CEP152: variants seen among roughly 807,000 people sequenced by gnomAD.
CEP152 encodes centrosomal protein 152, also known as centrosomal protein of 152 kDa.
CEP152 carries 132 observed loss-of-function variants against 188.9 expected under a neutral mutation model. That is an observed-to-expected ratio of 0.70 (90% CI 0.61 to 0.81). CEP152 has a LOEUF of 0.81. Among genes scored for constraint, CEP152 ranks in the 30% least tolerant of loss-of-function variants. The probability of loss-of-function intolerance (pLI) is 0.00; values close to 1 mark genes in which losing one functional copy is unlikely to be tolerated. For synonymous variants in CEP152, 649 were observed against 666.6 expected (o/e 0.97, Z 0.41); for missense variants, 1,914 against 1,969.8 (o/e 0.97, Z 0.54).
chr15:48,738,514 C>A lies in CEP152; in HGVS notation c.4868G>T (p.Ser1623Ile). 6.2e-7 allele frequency: 1 copy of A among 1,614,216 alleles called. No homozygotes were observed. The highest frequency in any genetic ancestry group is 8.5e-7 in the Non-Finnish European group (1 of 1,180,032). The part of the protein sequence containing the change: ...PSGYLSDTEE[S>I]NMICQTMKCQ... ...TTTCATTGTTTGACAAATCATATTA[C>A]TTTCCTCTGTATCTGAAAGATAACC... The change falls in exon 27 of 27, where the codon AGT (serine) becomes ATT (isoleucine). Residue 1623 changes from serine (S) to isoleucine (I), a missense_variant. By Grantham distance (142) the Ser-to-Ile change is moderately radical (BLOSUM62 -2). Coordinates refer to ENST00000380950, the MANE Select transcript of CEP152 (RefSeq NM_001194998.2).
At chr15:48,744,431 A>C (rs890252017) in intron 23 of CEP152, 88 bp from the exon 24 acceptor site, 5 of 1,557,324 alleles carry the variant, frequency 3.2e-6, no homozygotes, top group Non-Finnish European at 4.4e-6. Flanking sequence ...ATACTCTAAT[A>C]AAGTTAACTG....
In CEP152 at chr15:48,772,468, C is replaced by T. The variant is rs370240823; in HGVS notation, c.1782+19G>A. On this transcript the variant is annotated intron_variant, in intron 13 of 26. Transcript: ENST00000380950. The stretch of plus-strand genomic sequence containing the variant: ...GAGCCTTTTAAAAATGGTTTTTTAA[C>T]TCTATAGGCTTTACATACCTCAACC... The T allele has an allele frequency of 6.3e-7, 1 of 1,599,886 alleles. No homozygotes were observed. The highest frequency in any genetic ancestry group is 8.5e-7 in the Non-Finnish European group (1 of 1,172,292).
chr15:48,778,357 G>A (rs571550434), intron 12 of CEP152, among the ~76,000 whole-genome samples: 1 of 152,296 alleles, frequency 6.6e-6, no homozygotes, highest in East Asian at 1.9e-4. Context: ...CAGTAGACCA[G>A]GGGAAAGAGA....
intron 17 of CEP152, among the ~76,000 whole-genome samples, chr15:48,765,246 G>A (rs1386943609): frequency 1.3e-5 from 2 of 152,144 alleles, no homozygotes; most frequent in Admixed American, 6.6e-5. Context: ...AAAAGGGAGC[G>A]TTTTAGGGTG....
Position 48,767,180 on chromosome 15 carries a change from A to G in CEP152, c.2160T>C (p.Asp720=). ...RTHLQLRSEL[D]KLNKEVTAVQ... is the part of the protein sequence containing the mutation. ...CAGCAGTCACCTCCTTATTCAACTT[A>G]TCCAACTCAGACCTTGGATACACAA... The change falls in exon 17 of 27, where the codon GAT becomes GAC. Residue 720 remains aspartate (D), a synonymous_variant. Transcript: ENST00000380950. The G allele has an allele frequency of 6.2e-7, 1 of 1,613,852 alleles. No individual in the cohort carries two copies. Among genetic ancestry groups the G allele is most frequent in the Non-Finnish European group, 8.5e-7 (1 of 1,180,024 alleles).
intron 12 of CEP152, among the ~76,000 whole-genome samples, chr15:48,776,918 A>T (rs1895955022): frequency 3.9e-5 from 6 of 152,044 alleles, no homozygotes; most frequent in African/African-American, 1.4e-4. Context: ...AGAAATAAAC[A>T]GTTGACAGTA....
intron 2 of CEP152, among the ~76,000 whole-genome samples, chr15:48,798,388 C>T (rs569372938): frequency 4.6e-5 from 7 of 152,012 alleles, no homozygotes; most frequent in African/African-American, 7.3e-5. Flanking sequence ...ACAGGGCAGG[C>T]AGACTAAGTC....
In CEP152 at chr15:48,741,949, T is replaced by G; in HGVS notation, c.3987A>C (p.Glu1329Asp). Residue 1329 changes from glutamate (E) to aspartate (D), a missense_variant and splice_region_variant, in exon 25 of 27, where the codon GAA becomes GAC. Coordinates refer to ENST00000380950, the MANE Select transcript of CEP152 (RefSeq NM_001194998.2). ...CACATTGTTCAGACTGAACTCACCC[T>G]TCTTTTCCATCATCCTGCAAAATCT... ...LQQILQDDGK[E>D]GAEKKIMNAA... 1 of 1,614,212 alleles carries G rather than the reference T, an allele frequency of 6.2e-7. No individual in the cohort carries two copies. Among genetic ancestry groups the G allele is most frequent in the Non-Finnish European group, 8.5e-7 (1 of 1,180,020 alleles).
chr15:48,733,006 A>T (rs1892477249), downstream of CEP152, among the ~76,000 whole-genome samples: 1 of 152,026 alleles, frequency 6.6e-6, no homozygotes, highest in Non-Finnish European at 1.5e-5. Context: ...GGGGAGGATC[A>T]CTTGAGCCCA....
Position 48,752,367 on chromosome 15 carries a change from C to T in CEP152, c.3448G>A (p.Ala1150Thr). Residue 1150 changes from alanine to threonine, a missense_variant, in exon 21 of 27, where the codon GCA becomes ACA. Ala to Thr is a moderately conservative substitution (Grantham distance 58). Transcript: ENST00000380950. ...CAATTACCAGCTTCTGCTTCTGTTGCTTGTAAGGCCAAGGGCTGAGCATGG... is the reference window on the plus strand; with the variant it reads ...CAATTACCAGCTTCTGCTTCTGTTGTTTGTAAGGCCAAGGGCTGAGCATGG... Reference protein sequence around the residue: ...GHHAQPLALQATEAEADKKKV... With the variant: ...GHHAQPLALQTTEAEADKKKV... The T allele has an allele frequency of 6.2e-7, 1 of 1,614,080 alleles. No individual in the cohort carries two copies. The highest frequency in any genetic ancestry group is 1.3e-5 in the African/African-American group (1 of 75,040).
chr15:48,772,563 T>G lies in CEP152; in HGVS notation c.1706A>C (p.Asn569Thr). 1 of 1,614,110 alleles carries G rather than the reference T, an allele frequency of 6.2e-7. No individual in the cohort carries two copies. The change falls in exon 13 of 27, where the codon AAT (asparagine) becomes ACT (threonine). Residue 569 changes from asparagine (N) to threonine (T), a missense_variant. Coordinates refer to ENST00000380950, the MANE Select transcript of CEP152 (RefSeq NM_001194998.2). ...MKRHLVSQLQ[N>T]DLKDCHKKIE... ...TTTCTTATGACAGTCTTTGAGGTCA[T>G]TTTGTAACTGAGACACCAGATGACG...
intron 23 of CEP152, 74 bp downstream of exon 23, chr15:48,744,822 G>T: frequency 7.3e-7 from 1 of 1,370,106 alleles, no homozygotes; most frequent in South Asian, 1.4e-5. Flanking sequence ...AAAAAAAATT[G>T]ATACTTAAAA....
chr15:48,792,596 A>T (rs1897052901), intron 7 of CEP152, among the ~76,000 whole-genome samples: 1 of 152,184 alleles, frequency 6.6e-6, no homozygotes, highest in South Asian at 2.1e-4. Flanking sequence ...TTGGATTAAA[A>T]CGTTTATGCT....
At chr15:48,806,640 T>C (rs1299081039) in intron 1 of CEP152, among the ~76,000 whole-genome samples, 1 of 152,212 alleles carries the variant, frequency 6.6e-6, no homozygotes, top group Non-Finnish European at 1.5e-5. Context: ...ATCAGAAGCA[T>C]GGAGACCCAG....
intron 20 of CEP152, among the ~76,000 whole-genome samples, chr15:48,754,649 G>T (rs1298832335): frequency 6.6e-6 from 1 of 152,108 alleles, no homozygotes; most frequent in African/African-American, 2.4e-5. Flanking sequence ...AATATCAACT[G>T]GGGTGAAGTA....
At position 48,738,978 on chromosome 15, in the gene CEP152, T is replaced by C. The variant is rs370946718; in HGVS notation, c.4404A>G (p.Glu1468=). 5.6e-6 allele frequency: 9 copies of C among 1,614,008 alleles called. No individual in the cohort carries two copies. The African/African-American group carries it at 1.2e-4, about 22-fold the overall frequency. ...RNVSPEFVPC[E]GEGGFGLHKK... ...TGTGCAAACCAAAGCCTCCTTCACCTTCACAAGGAACAAACTCAGGAGAAA... is the reference window on the plus strand; with the variant it reads ...TGTGCAAACCAAAGCCTCCTTCACCCTCACAAGGAACAAACTCAGGAGAAA... Residue 1468 remains glutamate, a synonymous_variant, in exon 27 of 27, where the codon GAA becomes GAG. Coordinates refer to ENST00000380950, the MANE Select transcript of CEP152 (RefSeq NM_001194998.2).
intron 20 of CEP152, 66 bp downstream of exon 20, chr15:48,755,837 A>T: frequency 6.2e-7 from 1 of 1,601,930 alleles, no homozygotes; most frequent in Non-Finnish European, 8.5e-7. Flanking sequence ...AAAGGAAAAA[A>T]CACTATATAC....
At chr15:48,759,131 A>C (rs1413755078) in intron 19 of CEP152, among the ~76,000 whole-genome samples, 3 of 152,050 alleles carry the variant, frequency 2.0e-5, no homozygotes, top group African/African-American at 7.2e-5. Flanking sequence ...TATTTTTATT[A>C]TTCCCTTTAC....
intron 22 of CEP152, among the ~76,000 whole-genome samples, chr15:48,746,300 A>G (rs1358371424): frequency 6.6e-6 from 1 of 152,182 alleles, no homozygotes; most frequent in African/African-American, 2.4e-5. Flanking sequence ...TATCAGCTTC[A>G]AAAAACACTG....
Sources: allele counts gnomAD v4.1 joint callset (sites outside exome capture counted in the v4.1 genomes callset), GRCh38; gene constraint gnomAD v4.1.1; transcripts MANE v1.5; gene names NCBI Gene and HGNC (gene_info 2026-07-23, HGNC 2026-07-21).